DNAJC15: variants seen among roughly 807,000 people sequenced by gnomAD.
The protein encoded by DNAJC15 is DnaJ heat shock protein family (Hsp40) member C15.
A neutral mutation model predicts 22.4 loss-of-function variants in DNAJC15; 27 were observed. That is an observed-to-expected ratio of 1.20 (90% confidence interval 0.89 to 1.66). The LOEUF is 1.66. Ranked by LOEUF, DNAJC15 falls within the 40% of genes most tolerant of loss-of-function variation. The pLI, the probability that DNAJC15 is intolerant of heterozygous loss-of-function variation, is 0.00. For missense variants in DNAJC15, 208 were observed against 187.1 expected, an observed-to-expected ratio of 1.11 and a Z score of -0.65; for synonymous variants, 79 against 63.2, an observed-to-expected ratio of 1.25 and a Z score of -1.19.
At chr13:43,102,404 C>T (rs949561779) in intron 5 of DNAJC15, among the ~76,000 whole-genome samples, 4 of 152,006 alleles carry the variant, frequency 2.6e-5, no homozygotes, top group African/African-American at 9.7e-5. Context: ...CTGATTATTT[C>T]TTTTGCTATG....
chr13:43,054,324 T>G (rs1014234816), intron 1 of DNAJC15, among the ~76,000 whole-genome samples: 2 of 152,230 alleles, frequency 1.3e-5, no homozygotes, highest in Non-Finnish European at 2.9e-5. Flanking sequence ...TGAGGTTTTT[T>G]GCATCTATGT....
chr13:43,053,988 T>A (rs1352965527), intron 1 of DNAJC15, among the ~76,000 whole-genome samples: 18 of 152,236 alleles, frequency 1.2e-4, no homozygotes, highest in Admixed American at 7.9e-4. Flanking sequence ...CCTTGTCTTG[T>A]TGCAGTTCCC....
At chr13:43,043,164 T>A (rs2040461502) in intron 1 of DNAJC15, among the ~76,000 whole-genome samples, 1 of 152,226 alleles carries the variant, frequency 6.6e-6, no homozygotes, top group Admixed American at 6.5e-5. Context: ...CGGAGTCCAG[T>A]GGTATGATCT....
intron 5 of DNAJC15, among the ~76,000 whole-genome samples, chr13:43,099,943 G>T (rs1001118271): frequency 1.3e-5 from 2 of 151,938 alleles, no homozygotes; most frequent in African/African-American, 4.8e-5. Flanking sequence ...TATAATGTAG[G>T]CTTTATAAAA....
chr13:43,030,885 T>C (rs1356945554), intron 1 of DNAJC15, among the ~76,000 whole-genome samples: 1 of 152,206 alleles, frequency 6.6e-6, no homozygotes, highest in African/African-American at 2.4e-5. Flanking sequence ...ATAAGAGAAA[T>C]ATATGGATAA....
rs555209809 is a variant in DNAJC15, at chr13:43,109,865, GAA to G, written c.*2619_*2620del. 1.7e-4 allele frequency: 16 copies of G among 93,260 alleles called. No homozygotes were observed. The highest frequency in any genetic ancestry group is 1.3e-3 in the East Asian group (6 of 4,550). The allele number at this position is 93,260 out of a possible 1,614,324, so 5.8% of individuals were successfully genotyped here. A position where few individuals can be genotyped will look rare whatever the true frequency, so the allele number is the denominator to read the frequency against. On this transcript the variant is annotated 3_prime_UTR_variant, in exon 6 of 6. Transcript: ENST00000379221. ...CCTAGAACTTAAAGTATAATAAAAAGAAATTTTAAAAAATCCTGTCAAATAAG... is the reference window on the plus strand; with the variant it reads ...CCTAGAACTTAAAGTATAATAAAAAGATTTTAAAAAATCCTGTCAAATAAG...
At chr13:43,086,986 T>A (rs1384068937) in intron 5 of DNAJC15, among the ~76,000 whole-genome samples, 1 of 152,206 alleles carries the variant, frequency 6.6e-6, no homozygotes, top group Non-Finnish European at 1.5e-5. Context: ...TACCTTCCAG[T>A]CAGCATTGTG....
intron 1 of DNAJC15, among the ~76,000 whole-genome samples, chr13:43,057,404 A>T (rs2040536924): frequency 6.6e-6 from 1 of 151,908 alleles, no homozygotes; most frequent in African/African-American, 2.4e-5. Context: ...GTAACTTTCC[A>T]GTGTATTTTG....
At chr13:43,063,842 G>A (rs1433724246) in intron 1 of DNAJC15, among the ~76,000 whole-genome samples, 2 of 152,196 alleles carry the variant, frequency 1.3e-5, no homozygotes, top group Non-Finnish European at 2.9e-5. Flanking sequence ...TATAAGGGAA[G>A]AAGATATAAT....
chr13:43,092,408 AGT>A (rs985443875), intron 5 of DNAJC15, among the ~76,000 whole-genome samples: 1 of 151,878 alleles, frequency 6.6e-6, no homozygotes, highest in Non-Finnish European at 1.5e-5. Context: ...AGTCATTTTA[AGT>A]GTGACAATTT....
chr13:43,047,418 A>G (rs1334657541), intron 1 of DNAJC15, among the ~76,000 whole-genome samples: 3 of 152,108 alleles, frequency 2.0e-5, no homozygotes, highest in Non-Finnish European at 2.9e-5. Flanking sequence ...ATGAGCTTGA[A>G]GTTGATTGCT....
chr13:43,024,973 A>T (rs1350610049), intron 1 of DNAJC15, among the ~76,000 whole-genome samples: 2 of 149,398 alleles, frequency 1.3e-5, no homozygotes, highest in Non-Finnish European at 3.0e-5. Context: ...GGTCGGGAGA[A>T]TCACTTGAGC....
intron 1 of DNAJC15, among the ~76,000 whole-genome samples, chr13:43,030,090 CAG>C (rs1365254220): frequency 6.6e-6 from 1 of 152,170 alleles, no homozygotes; most frequent in Admixed American, 6.5e-5. Context: ...TGTGTATAAT[CAG>C]AGTACGTATA....
At chr13:43,092,160 A>G (rs558002709) in intron 5 of DNAJC15, among the ~76,000 whole-genome samples, 1 of 152,026 alleles carries the variant, frequency 6.6e-6, no homozygotes, top group Non-Finnish European at 1.5e-5. Flanking sequence ...GGTGAAAAGG[A>G]TTTTGGGGAC....
intron 1 of DNAJC15, among the ~76,000 whole-genome samples, chr13:43,033,844 C>A (rs1402510381): frequency 6.6e-6 from 1 of 151,944 alleles, no homozygotes; most frequent in Non-Finnish European, 1.5e-5. Context: ...GCCTGGTCAA[C>A]ATGGCAAAAC....
chr13:43,104,602 C>G (rs1320136202), intron 5 of DNAJC15, among the ~76,000 whole-genome samples: 1 of 151,838 alleles, frequency 6.6e-6, no homozygotes, highest in African/African-American at 2.4e-5. Flanking sequence ...GGTGAGTGTT[C>G]TAATTAAATG....
intron 1 of DNAJC15, among the ~76,000 whole-genome samples, chr13:43,065,135 TTA>T (rs1201669316): frequency 2.0e-5 from 3 of 152,218 alleles, no homozygotes; most frequent in Admixed American, 2.0e-4. Flanking sequence ...CAGAATTAGC[TTA>T]TATCTGACAT....
intron 1 of DNAJC15, among the ~76,000 whole-genome samples, chr13:43,041,547 C>T (rs1212682048): frequency 4.6e-5 from 7 of 152,202 alleles, no homozygotes; most frequent in African/African-American, 1.7e-4. Flanking sequence ...TGATCCCTGC[C>T]TCCCAACACA....
intron 1 of DNAJC15, among the ~76,000 whole-genome samples, chr13:43,025,647 A>G (rs1161866980): frequency 1.3e-5 from 2 of 152,224 alleles, no homozygotes; most frequent in South Asian, 2.1e-4. Flanking sequence ...TCTCGCTCCT[A>G]TAATCCCAGC....
Sources: gnomAD v4.1 joint callset for allele counts (sites outside exome capture counted in the v4.1 genomes callset) on GRCh38, gnomAD v4.1.1 for gene constraint, MANE v1.5 for transcripts, NCBI Gene and HGNC (gene_info 2026-07-23, HGNC 2026-07-21) for gene names.